The following LUC7L2 variants were observed in gnomAD, a reference collection of about 807,000 sequenced individuals.
The protein encoded by LUC7L2 is LUC7 like 2, pre-mRNA splicing factor, also known as putative RNA-binding protein Luc7-like 2.
LUC7L2 carries 25 observed loss-of-function variants against 52.8 expected under a neutral mutation model. The ratio of observed to expected loss-of-function variants is 0.47; its 90% CI spans 0.34 to 0.66. The LOEUF (loss-of-function observed/expected upper bound fraction) is 0.66. Ranked by LOEUF, LUC7L2 falls within the 30% of genes least tolerant of loss-of-function variation. The pLI is 0.01. For missense variants in LUC7L2, 328 were observed against 497.8 expected, an observed-to-expected ratio of 0.66 and a Z score of 3.25; for synonymous variants, 144 against 160.9, an observed-to-expected ratio of 0.89 and a Z score of 0.80.
Position 139,423,079 on chromosome 7 carries a change from TTG to T in LUC7L2, c.*748_*749del, listed in dbSNP as rs764888731. 886 of 398,976 alleles carry T rather than the reference TTG, an allele frequency of 2.2e-3. 13 individuals are homozygous for T. In the Middle Eastern group the frequency reaches 0.026, roughly 12 times the overall value. 24.7% of individuals were successfully genotyped at this position (398,976 alleles called of 1,614,324 possible). The stretch of plus-strand genomic sequence containing the variant: ...TTTCGTAATAAGCACTTGTTTTATT[TTG>T]TGTGTGTGGAGTATAAAGGCTACAC... On this transcript the variant is annotated 3_prime_UTR_variant, in exon 10 of 10. Coordinates refer to ENST00000354926, the MANE Select transcript of LUC7L2 (RefSeq NM_016019.5).
chr7:139,383,145 TG>T (rs1290062773), intron 2 of LUC7L2, among the ~76,000 whole-genome samples: 1 of 152,116 alleles, frequency 6.6e-6, no homozygotes, highest in Non-Finnish European at 1.5e-5. Context: ...GACGGAGTTT[TG>T]CTCTTGTTGC....
chr7:139,383,692 A>G (rs935820947), intron 2 of LUC7L2, among the ~76,000 whole-genome samples: 4 of 149,938 alleles, frequency 2.7e-5, no homozygotes, highest in Non-Finnish European at 5.9e-5. Flanking sequence ...CTGGGATTAC[A>G]GATGAAAGCC....
chr7:139,405,674 A>G lies in LUC7L2; in HGVS notation c.397A>G (p.Ile133Val). The G allele has an allele frequency of 6.2e-7, 1 of 1,610,386 alleles. No homozygotes were observed. The highest frequency in any genetic ancestry group is 8.5e-7 in the Non-Finnish European group (1 of 1,179,092). ...ACGTGTTCATGAGTTAAATGAAGAAATTGGTAAATTGTTAGCCAAGGTGGA... is the reference window on the plus strand; with the variant it reads ...ACGTGTTCATGAGTTAAATGAAGAAGTTGGTAAATTGTTAGCCAAGGTGGA... Reference protein sequence around the residue: ...AERVHELNEEIGKLLAKVEQL... With the variant: ...AERVHELNEEVGKLLAKVEQL... The change falls in exon 5 of 10, where the codon ATT becomes GTT. Residue 133 changes from isoleucine to valine, a missense_variant. Transcript: ENST00000354926.
intron 2 of LUC7L2, among the ~76,000 whole-genome samples, chr7:139,380,072 G>A (rs1398115024): frequency 6.6e-6 from 1 of 151,664 alleles, no homozygotes; most frequent in South Asian, 2.1e-4. Context: ...CCAGCTACTC[G>A]GGAAGCTGAG....
chr7:139,369,034 T>C (rs1418412233), intron 1 of LUC7L2, among the ~76,000 whole-genome samples: 1 of 152,204 alleles, frequency 6.6e-6, no homozygotes, highest in Non-Finnish European at 1.5e-5. Flanking sequence ...TTGGGGAGGC[T>C]CTAGTTGGCT....
At chr7:139,360,528 C>G (rs1799819969) in intron 1 of LUC7L2, among the ~76,000 whole-genome samples, 3 of 152,192 alleles carry the variant, frequency 2.0e-5, no homozygotes, top group Admixed American at 2.0e-4. Flanking sequence ...GCGGGAACTG[C>G]TGCCAATGGG....
intron 2 of LUC7L2, among the ~76,000 whole-genome samples, chr7:139,388,026 C>G (rs13243446): frequency 6.6e-6 from 1 of 152,112 alleles, no homozygotes; most frequent in Non-Finnish European, 1.5e-5. Flanking sequence ...CTGCAATATT[C>G]TTTCTCCTCT....
At chr7:139,401,215 CAAA>C (rs34702372) in intron 3 of LUC7L2, among the ~76,000 whole-genome samples, 1 of 144,538 alleles carries the variant, frequency 6.9e-6, no homozygotes, top group Non-Finnish European at 1.5e-5. Flanking sequence ...ACTCTTGTCT[CAAA>C]AAAAAAAATT....
chr7:139,343,115 T>A (rs888332791), intron 1 of LUC7L2, among the ~76,000 whole-genome samples: 1 of 152,228 alleles, frequency 6.6e-6, no homozygotes, highest in Non-Finnish European at 1.5e-5. Flanking sequence ...TTTGTCCTCA[T>A]GATTCAGGCT....
intron 1 of LUC7L2, among the ~76,000 whole-genome samples, chr7:139,342,790 T>C (rs939609617): frequency 6.6e-6 from 1 of 152,122 alleles, no homozygotes; most frequent in Non-Finnish European, 1.5e-5. Flanking sequence ...GGAGGTGACA[T>C]GATTATAGTT....
rs1127424 is a variant in LUC7L2 at position 139,422,914 on chromosome 7, A to G, written c.*574A>G. 0.18 allele frequency: 71,014 copies of G among 398,716 alleles called. 6,640 individuals carry two copies. The highest frequency in any genetic ancestry group is 0.24 in the Middle Eastern group (378 of 1,588). The allele number at this position is 398,716 out of a possible 1,614,324, so 24.7% of individuals were successfully genotyped here. A position where few individuals can be genotyped will look rare whatever the true frequency, so the allele number is the denominator to read the frequency against. ...TGGGGTTTTTTGTTTAATGGTGCCTATTTAGAGTTGGAAGTTGAACAGCTG... is the reference window on the plus strand; with the variant it reads ...TGGGGTTTTTTGTTTAATGGTGCCTGTTTAGAGTTGGAAGTTGAACAGCTG... On this transcript the variant is annotated 3_prime_UTR_variant, in exon 10 of 10. Transcript: ENST00000354926.
chr7:139,359,873 C>T, upstream of LUC7L2: 1 of 412,018 alleles, frequency 2.4e-6, no homozygotes, highest in Non-Finnish European at 4.3e-6. Flanking sequence ...CGGGAAACGA[C>T]TGAGCGCGAG....
At chr7:139,365,778 A>G (rs954632829) in intron 1 of LUC7L2, among the ~76,000 whole-genome samples, 7 of 152,230 alleles carry the variant, frequency 4.6e-5, no homozygotes, top group Admixed American at 6.5e-5. Flanking sequence ...GTTTGGCATA[A>G]CTTAATCTAC....
chr7:139,414,910 G>A (rs1795520353), intron 8 of LUC7L2, among the ~76,000 whole-genome samples: 1 of 151,456 alleles, frequency 6.6e-6, no homozygotes. Flanking sequence ...TTTTTGAGAC[G>A]GAGTCTTGCT....
chr7:139,355,644 G>A (rs540081047), upstream of LUC7L2, among the ~76,000 whole-genome samples: 29 of 152,256 alleles, frequency 1.9e-4, no homozygotes, highest in South Asian at 1.9e-3. Context: ...ATTAGATACA[G>A]CTCCATAGTG....
intron 1 of LUC7L2, among the ~76,000 whole-genome samples, chr7:139,344,469 A>G (rs1799161105): frequency 6.6e-6 from 1 of 152,212 alleles, no homozygotes; most frequent in African/African-American, 2.4e-5. Context: ...TTTAGGGAAT[A>G]ATGACAAAAC....
chr7:139,410,933 T>A (rs1042041745), intron 7 of LUC7L2, among the ~76,000 whole-genome samples: 5 of 133,718 alleles, frequency 3.7e-5, no homozygotes, highest in Non-Finnish European at 7.6e-5. Flanking sequence ...AGAAGTGATG[T>A]CAGTCCTCTA....
upstream of LUC7L2, among the ~76,000 whole-genome samples, chr7:139,356,314 CAAAAAAAAAAAAAA>C (rs10524961): frequency 1.6e-4 from 13 of 82,968 alleles, no homozygotes; most frequent in East Asian, 6.0e-3. Flanking sequence ...GACCCTATCT[CAAAAAAAAAAAAAA>C]AAAAAAAAAA....
rs145375251 is a variant in LUC7L2, at chr7:139,366,531, G to T, written c.61+6209G>T. On this transcript the variant is annotated intron_variant, in intron 1 of 9. Coordinates refer to ENST00000354926, the MANE Select transcript of LUC7L2 (RefSeq NM_016019.5). ...ACTTGAAGGTATGTTTTAGATCAGGGACTGGCACTATGGCCTCCTGCTTTT... is the reference window on the plus strand; with the variant it reads ...ACTTGAAGGTATGTTTTAGATCAGGTACTGGCACTATGGCCTCCTGCTTTT... 2.5e-3 allele frequency among the ~76,000 whole-genome samples: 376 copies of T among 152,276 alleles called. 2 individuals are homozygous for T. Among genetic ancestry groups the T allele is most frequent in the South Asian group, 4.6e-3 (22 of 4,830 alleles).
Sources: allele counts gnomAD v4.1 joint callset (sites outside exome capture counted in the v4.1 genomes callset), GRCh38; gene constraint gnomAD v4.1.1; transcripts MANE v1.5; gene names NCBI Gene and HGNC (gene_info 2026-07-23, HGNC 2026-07-21).